The following LAMB3 variants were observed in gnomAD, a reference collection of about 807,000 sequenced individuals.
LAMB3 encodes laminin subunit beta 3.
In LAMB3, 104 loss-of-function variants were observed where a neutral mutation model predicts 140.3. The observed-to-expected ratio is 0.74, with a 90% CI of 0.63 to 0.87. The LOEUF is 0.87. Ranked by LOEUF, LAMB3 falls within the 40% of genes least tolerant of loss-of-function variation. The pLI is 0.00. For missense variants in LAMB3, 1,531 were observed against 1,575.2 expected, an observed-to-expected ratio of 0.97 and a Z score of 0.47; for synonymous variants, 592 against 602.9, an observed-to-expected ratio of 0.98 and a Z score of 0.26.
chr1:209,647,170 G>C (rs549717506), intron 3 of LAMB3, among the ~76,000 whole-genome samples: 18 of 152,384 alleles, frequency 1.2e-4, no homozygotes, highest in African/African-American at 4.3e-4. Context: ...TGCAAGGGTT[G>C]CAACATGGAC....
rs767490741 is a variant in LAMB3, at chr1:209,628,035, G to T, written c.1288C>A (p.Arg430Ser). ...ATGCTGGGCCAAGCCCCCTACTCAC[G>T]GTGGCAGCCCTGCGGGTTGGCGTAG... ...LTYANPQGCH[R>S]CDCNILGSRR... Residue 430 changes from arginine to serine, a missense_variant and splice_region_variant, in exon 11 of 23, where the codon CGC becomes AGC. By Grantham distance (110) the Arg-to-Ser change is moderately radical. Transcript: ENST00000356082. 1.2e-6 allele frequency: 2 copies of T among 1,602,396 alleles called. No homozygotes were observed. Among genetic ancestry groups the T allele is most frequent in the East Asian group, 4.5e-5 (2 of 44,394 alleles).
chr1:209,618,306 C>G, intron 19 of LAMB3, 146 bp downstream of exon 19: 5 of 926,362 alleles, frequency 5.4e-6, no homozygotes, highest in Non-Finnish European at 8.4e-6. Flanking sequence ...TTAACCTGCA[C>G]TCTGGACTCT....
rs1558157155 is a variant in LAMB3, at chr1:209,629,776, T to C, written c.1093A>G (p.Asn365Asp). ...CERCQLHYFR[N>D]RRPGASIQET... ...TGAATGGAAGCTCCCGGGCGCCGGTTCCGGAAATAGTGCAGCTGACACCGC... is the reference window on the plus strand; with the variant it reads ...TGAATGGAAGCTCCCGGGCGCCGGTCCCGGAAATAGTGCAGCTGACACCGC... The change falls in exon 10 of 23, where the codon AAC (asparagine) becomes GAC (aspartate). Residue 365 changes from asparagine (N) to aspartate (D), a missense_variant. By Grantham distance (23) the Asn-to-Asp change is conservative. Coordinates refer to ENST00000356082, the MANE Select transcript of LAMB3 (RefSeq NM_000228.3). The C allele has an allele frequency of 1.2e-6, 2 of 1,614,006 alleles. No individual in the cohort carries two copies. Among genetic ancestry groups the C allele is most frequent in the Non-Finnish European group, 1.7e-6 (2 of 1,180,030 alleles).
intron 4 of LAMB3, 109 bp downstream of exon 4, chr1:209,638,425 A>G (rs560414714): frequency 1.1e-4 from 84 of 763,130 alleles, no homozygotes; most frequent in Middle Eastern, 8.5e-4. Context: ...CCCATGTCAC[A>G]CCACCATAAG....
intron 13 of LAMB3, 42 bp downstream of exon 13, chr1:209,626,825 G>A (rs764576769): frequency 1.7e-5 from 25 of 1,500,196 alleles, no homozygotes; most frequent in African/African-American, 2.8e-5. Flanking sequence ...CCGCGTGCTC[G>A]GCCCCCAGAG....
chr1:209,626,731 A>C, intron 13 of LAMB3, 136 bp downstream of exon 13: 1 of 722,554 alleles, frequency 1.4e-6, no homozygotes, highest in Non-Finnish European at 2.5e-6. Context: ...GTGCACTCAC[A>C]GGGCTGCCCA....
At chr1:209,642,410 G>C (rs2076476687) in intron 3 of LAMB3, among the ~76,000 whole-genome samples, 1 of 152,154 alleles carries the variant, frequency 6.6e-6, no homozygotes, top group South Asian at 2.1e-4. Flanking sequence ...TCTCTGGGTA[G>C]TGGAATCATA....
chr1:209,649,220 A>G (rs571550667), intron 3 of LAMB3, among the ~76,000 whole-genome samples: 1 of 152,332 alleles, frequency 6.6e-6, no homozygotes, highest in East Asian at 1.9e-4. Context: ...GGCTACAGCA[A>G]CTCGGGACAA....
At chr1:209,645,924 G>C (rs1215091851) in intron 3 of LAMB3, among the ~76,000 whole-genome samples, 1 of 152,206 alleles carries the variant, frequency 6.6e-6, no homozygotes, top group Admixed American at 6.5e-5. Context: ...GGGGGATAAG[G>C]GTGCATTTAC....
rs764597310 is a variant in LAMB3, at chr1:209,623,704, G to A, written c.2159C>T (p.Thr720Ile). The A allele has an allele frequency of 6.2e-6, 10 of 1,614,102 alleles. No individual in the cohort carries two copies. The highest frequency in any genetic ancestry group is 1.1e-5 in the South Asian group (1 of 91,080). Residue 720 changes from threonine (T) to isoleucine (I), a missense_variant, in exon 16 of 23, where the codon ACA (threonine) becomes ATA (isoleucine). Transcript: ENST00000356082. The surrounding 1 kb of genome is among the most constrained non-coding windows in gnomAD (Gnocchi z 4.2). ...AGCCTGGGCTGACTGCTCGTAGGCT[G>A]TGCTCAGCATCCGGAAGGCTCCTGT... Reference protein sequence around the residue: ...DPSGAFRMLSTAYEQSAQAAQ... With the variant: ...DPSGAFRMLSIAYEQSAQAAQ...
chr1:209,648,743 C>A (rs1406674050), intron 3 of LAMB3, among the ~76,000 whole-genome samples: 1 of 152,026 alleles, frequency 6.6e-6, no homozygotes, highest in African/African-American at 2.4e-5. Flanking sequence ...AAATGCAAGT[C>A]AGCCTGAGAA....
chr1:209,625,296 T>C (rs567020626), intron 14 of LAMB3, among the ~76,000 whole-genome samples: 17 of 152,270 alleles, frequency 1.1e-4, no homozygotes, highest in Admixed American at 9.2e-4. Context: ...TTAGAGCCCC[T>C]GCCTCTCGGA....
rs758946737 is a variant in LAMB3 at position 209,637,986 on chromosome 1, A to G, written c.299-5T>C. ...GCAGAGAGACAGGGTTCACATCTGG[A>G]AGGACAAAAAATAGAAACTGTCATC... On this transcript the variant is annotated splice_polypyrimidine_tract_variant and splice_region_variant and intron_variant, in intron 4 of 22. Coordinates refer to ENST00000356082, the MANE Select transcript of LAMB3 (RefSeq NM_000228.3). The G allele has an allele frequency of 6.8e-6, 11 of 1,611,102 alleles. No homozygotes were observed. The East Asian group carries it at 2.5e-4, about 36-fold the overall frequency.
intron 3 of LAMB3, among the ~76,000 whole-genome samples, chr1:209,645,358 A>G (rs138348240): frequency 6.6e-6 from 1 of 152,314 alleles, no homozygotes; most frequent in African/African-American, 2.4e-5. Flanking sequence ...CATCCAAAAC[A>G]GTAAACTCCC....
At chr1:209,629,978 C>G in intron 9 of LAMB3, 53 bp from the exon 10 acceptor site, 1 of 1,550,662 alleles carries the variant, frequency 6.4e-7, no homozygotes, top group Non-Finnish European at 8.9e-7. Context: ...TTGCTATCTA[C>G]AGAGCATGCT....
rs1006014588 is a variant in LAMB3, at chr1:209,624,099, C to A, written c.1977-99G>T. Reference sequence around the variant, plus strand: ...GCAACTGCTACTGAGTCAGAACAAACAGAGACCTTGGGCAAAGGCAACAGA... The same window carrying A: ...GCAACTGCTACTGAGTCAGAACAAAAAGAGACCTTGGGCAAAGGCAACAGA... On this transcript the variant is annotated intron_variant, in intron 14 of 22. Transcript: ENST00000356082. 25 of 1,073,866 alleles carry A rather than the reference C, an allele frequency of 2.3e-5. No individual in the cohort carries two copies. In the African/African-American group the frequency reaches 3.6e-4, roughly 16 times the overall value. The allele number at this position is 1,073,866 out of a possible 1,614,324, so 66.5% of individuals were successfully genotyped here.
At chr1:209,634,372 T>G in intron 6 of LAMB3, 75 bp downstream of exon 6, 1 of 1,462,244 alleles carries the variant, frequency 6.8e-7, no homozygotes, top group Non-Finnish European at 9.6e-7. Flanking sequence ...TTCTCAGGAG[T>G]CCGTGTGGCT....
Position 209,619,208 on chromosome 1 carries a change from A to C in LAMB3, c.2702-549T>G, listed in dbSNP as rs76677581. ...TCTAGAATTGCAACCTCCACCCTGG[A>C]CTGTAGCACACCTTATCGTCCCTCC... On this transcript the variant is annotated intron_variant, in intron 18 of 22. Coordinates refer to ENST00000356082, the MANE Select transcript of LAMB3 (RefSeq NM_000228.3). Among the ~76,000 whole-genome samples the C allele has an allele frequency of 4.8e-4, 73 of 152,316 alleles. No homozygotes were observed. The East Asian group carries it at 0.013, about 28-fold the overall frequency.
In LAMB3 at chr1:209,633,114, T is replaced by C; in HGVS notation, c.584A>G (p.Asp195Gly). The C allele has an allele frequency of 1.9e-6, 3 of 1,612,654 alleles. No individual in the cohort carries two copies. The highest frequency in any genetic ancestry group is 1.7e-6 in the Non-Finnish European group (2 of 1,178,694). ...NGGKVQLNLMDLVSGIPATQS... is the reference protein window; with the variant it reads ...NGGKVQLNLMGLVSGIPATQS... Reference sequence around the variant, plus strand: ...AGTTGCTGGAATCCCAGACACTAAATCCATAAGGTTAAGTTGGACCTACAG... The same window carrying C: ...AGTTGCTGGAATCCCAGACACTAAACCCATAAGGTTAAGTTGGACCTACAG... The change falls in exon 7 of 23, where the codon GAT becomes GGT. Residue 195 changes from aspartate to glycine, a missense_variant. Asp to Gly is a moderately conservative substitution (Grantham distance 94, BLOSUM62 -1). Transcript: ENST00000356082.
Sources: allele counts gnomAD v4.1 joint callset (sites outside exome capture counted in the v4.1 genomes callset), GRCh38; gene constraint gnomAD v4.1.1; non-coding constraint Gnocchi (gnomAD v3.1); transcripts MANE v1.5; gene names NCBI Gene and HGNC (gene_info 2026-07-23, HGNC 2026-07-21).